Variants in UNC79 observed in about 807,000 individuals in gnomAD.
The protein encoded by UNC79 is unc-79 subunit of NALCN channel complex, also known as protein unc-79 homolog.
A neutral mutation model predicts 283.1 loss-of-function variants in UNC79; 37 were observed. The ratio of observed to expected loss-of-function variants is 0.13; its 90% CI spans 0.10 to 0.17. UNC79 has a LOEUF of 0.17. Among genes scored for constraint, UNC79 ranks in the 10% least tolerant of loss-of-function variants. The probability of loss-of-function intolerance (pLI) is 1.00; values close to 1 mark genes in which losing one functional copy is unlikely to be tolerated. For missense variants in UNC79, 2,272 were observed against 3,211.1 expected, an observed-to-expected ratio of 0.71 and a Z score of 7.07; for synonymous variants, 1,107 against 1,200.2, an observed-to-expected ratio of 0.92 and a Z score of 1.61.
At chr14:93,533,431 A>T (rs988635876) in intron 11 of UNC79, among the ~76,000 whole-genome samples, 2 of 152,320 alleles carry the variant, frequency 1.3e-5, no homozygotes, top group South Asian at 4.1e-4. Context: ...TTCTTTTGAT[A>T]AATTACTCTA....
At chr14:93,550,532 A>AG (rs1179741952) in intron 14 of UNC79, among the ~76,000 whole-genome samples, 30,428 of 135,768 alleles carry the variant, frequency 0.22, 6,259 homozygotes, top group East Asian at 0.62. Context: ...AAAAAAAAAA[A>AG]AAAAAAAAAG....
At chr14:93,502,142 G>T (rs2059322392) in intron 7 of UNC79, among the ~76,000 whole-genome samples, 1 of 152,258 alleles carries the variant, frequency 6.6e-6, no homozygotes, top group Middle Eastern at 3.4e-3. Context: ...GGCCGGGCAT[G>T]GTGGCTTATG....
intron 31 of UNC79, among the ~76,000 whole-genome samples, chr14:93,636,167 C>G (rs1566827804): frequency 1.3e-5 from 2 of 152,220 alleles, no homozygotes; most frequent in Non-Finnish European, 2.9e-5. Context: ...CTAAGAAAAT[C>G]TACATGATGC....
intron 35 of UNC79, among the ~76,000 whole-genome samples, chr14:93,647,540 A>G (rs1171921635): frequency 6.6e-6 from 1 of 152,204 alleles, no homozygotes; most frequent in East Asian, 1.9e-4. Flanking sequence ...CAGCAAATAC[A>G]AAGTCTCTAA....
chr14:93,620,978 T>C (rs2067091100), intron 29 of UNC79: 1 of 518,880 alleles, frequency 1.9e-6, no homozygotes, highest in Non-Finnish European at 3.8e-6. Context: ...TTTTGCAAGA[T>C]TGAAAAGAAT....
At chr14:93,568,814 C>T (rs1476866958) in intron 14 of UNC79, among the ~76,000 whole-genome samples, 3 of 152,166 alleles carry the variant, frequency 2.0e-5, no homozygotes, top group Non-Finnish European at 4.4e-5. Context: ...TTTACCTATT[C>T]ATTATAAGGG....
chr14:93,641,828 T>C (rs1445015537), intron 33 of UNC79, among the ~76,000 whole-genome samples: 1 of 152,104 alleles, frequency 6.6e-6, no homozygotes, highest in Non-Finnish European at 1.5e-5. Flanking sequence ...ATGTCAAAGG[T>C]GGGGCCAGGT....
Position 93,493,897 on chromosome 14 carries a change from A to ATT in UNC79, c.713-2513_713-2512insTT, listed in dbSNP as rs1427126465. On this transcript the variant is annotated intron_variant, in intron 5 of 48. Transcript: ENST00000555664. ...CACATATATATATATATATATATAT[A>ATT]TATATTTTTTTTTTTTTTTTTTTGA... 5.2e-3 allele frequency among the ~76,000 whole-genome samples: 300 copies of ATT among 57,552 alleles called. 1 individual carries two copies. Among genetic ancestry groups the ATT allele is most frequent in the Admixed American group, 0.011 (36 of 3,288 alleles). The allele number at this position is 57,552 out of a possible 152,430, so 37.8% of individuals were successfully genotyped here. A position where few individuals can be genotyped will look rare whatever the true frequency, so the allele number is the denominator to read the frequency against.
At chr14:93,484,785 G>T (rs2058328448) in intron 4 of UNC79, among the ~76,000 whole-genome samples, 1 of 152,120 alleles carries the variant, frequency 6.6e-6, no homozygotes, top group African/African-American at 2.4e-5. Context: ...AATTAGAATT[G>T]CAATGATTTT....
chr14:93,431,602 C>T (rs2055881867), intron 1 of UNC79, among the ~76,000 whole-genome samples: 1 of 152,114 alleles, frequency 6.6e-6, no homozygotes. Flanking sequence ...CTCACTAATG[C>T]CAACACCAAT....
rs558297825 is a variant in UNC79, at chr14:93,682,508, C to G, written c.6742-109C>G. The G allele has an allele frequency of 1.5e-5, 14 of 928,034 alleles. No individual in the cohort carries two copies. In the African/African-American group the frequency reaches 2.3e-4, roughly 15 times the overall value. The allele number at this position is 928,034 out of a possible 1,614,324, so 57.5% of individuals were successfully genotyped here. On this transcript the variant is annotated intron_variant, in intron 41 of 48. Coordinates refer to ENST00000555664, the Ensembl canonical transcript of UNC79. ...CAAATCTGATCTATCCAAGGCAGATCGTCATGAAAATAAACACTAATTAAT... is the reference window on the plus strand; with the variant it reads ...CAAATCTGATCTATCCAAGGCAGATGGTCATGAAAATAAACACTAATTAAT...
chr14:93,430,284 C>T (rs2055825772), upstream of UNC79: 1 of 152,848 alleles, frequency 6.5e-6, no homozygotes, highest in African/African-American at 2.4e-5. The surrounding 1 kb of genome is among the most constrained non-coding windows in gnomAD (Gnocchi z 4.6). Context: ...AGTGGGACCT[C>T]CCATCCCCAA....
intron 14 of UNC79, among the ~76,000 whole-genome samples, chr14:93,564,164 G>A (rs1407618438): frequency 6.6e-6 from 1 of 152,208 alleles, no homozygotes; most frequent in Non-Finnish European, 1.5e-5. Flanking sequence ...GGATGAGTCA[G>A]GGAGAGCTAG....
At chr14:93,508,740 A>G (rs2059671490) in intron 7 of UNC79, among the ~76,000 whole-genome samples, 1 of 152,138 alleles carries the variant, frequency 6.6e-6, no homozygotes, top group Admixed American at 6.5e-5. Flanking sequence ...TTATCTCATG[A>G]GTTTGCTAAA....
chr14:93,411,993 G>C (rs1378266242), intron 1 of UNC79, among the ~76,000 whole-genome samples: 1 of 152,218 alleles, frequency 6.6e-6, no homozygotes, highest in Non-Finnish European at 1.5e-5. Context: ...TTGCCTTTCA[G>C]ACAGATAATT....
In UNC79 at chr14:93,562,700, A is replaced by G. The variant is rs537378363; in HGVS notation, c.1756-9194A>G. On this transcript the variant is annotated intron_variant, in intron 14 of 48. Coordinates refer to ENST00000555664, the Ensembl canonical transcript of UNC79. Reference sequence around the variant, plus strand: ...AAAGGCCGGTCCATTATCGGACTCTATAGAGGTGGGAAGGCCAAACCGAGG... The same window carrying G: ...AAAGGCCGGTCCATTATCGGACTCTGTAGAGGTGGGAAGGCCAAACCGAGG... Among the ~76,000 whole-genome samples the G allele has an allele frequency of 5.3e-5, 8 of 152,280 alleles. No individual in the cohort carries two copies. In the East Asian group the frequency reaches 7.7e-4, roughly 15 times the overall value.
At chr14:93,560,346 CAG>C (rs1412997406) in intron 14 of UNC79, among the ~76,000 whole-genome samples, 1 of 152,088 alleles carries the variant, frequency 6.6e-6, no homozygotes, top group African/African-American at 2.4e-5. Flanking sequence ...TAAAAATATA[CAG>C]AGTCCTCCTT....
At chr14:93,620,796 C>G in intron 29 of UNC79, 96 bp from the exon 31 acceptor site, 1 of 350,858 alleles carries the variant, frequency 2.9e-6, no homozygotes, top group Non-Finnish European at 5.7e-6. Context: ...TAACCCAGAC[C>G]TTGTTCCATA....
intron 1 of UNC79, among the ~76,000 whole-genome samples, chr14:93,336,590 C>G (rs1014797945): frequency 6.6e-6 from 1 of 152,194 alleles, no homozygotes; most frequent in African/African-American, 2.4e-5. Context: ...ATCCGCCCAC[C>G]TTGGCCTCCC....
Sources: gnomAD v4.1 joint callset for allele counts (sites outside exome capture counted in the v4.1 genomes callset) on GRCh38, gnomAD v4.1.1 for gene constraint, Gnocchi (gnomAD v3.1) non-coding constraint, MANE v1.5 for transcripts, NCBI Gene and HGNC (gene_info 2026-07-23, HGNC 2026-07-21) for gene names.